The following SLC12A2 variants were observed in gnomAD, a reference collection of about 807,000 sequenced individuals.
SLC12A2 encodes solute carrier family 12 member 2.
SLC12A2 carries 67 observed loss-of-function variants against 136.3 expected under a neutral mutation model. The ratio of observed to expected loss-of-function variants is 0.49; its 90% CI spans 0.40 to 0.60. SLC12A2 has a LOEUF of 0.60. Ranked by LOEUF, SLC12A2 falls within the 20% of genes least tolerant of loss-of-function variation. The probability of loss-of-function intolerance (pLI) is 0.00; values close to 1 mark genes in which losing one functional copy is unlikely to be tolerated. For missense variants in SLC12A2, 1,322 were observed against 1,534.7 expected, an observed-to-expected ratio of 0.86 and a Z score of 2.32; for synonymous variants, 619 against 562.9, an observed-to-expected ratio of 1.10 and a Z score of -1.41.
chr5:128,101,012 GT>G (rs2126652526), intron 1 of SLC12A2, among the ~76,000 whole-genome samples: 1 of 152,176 alleles, frequency 6.6e-6, no homozygotes, highest in African/African-American at 2.4e-5. Context: ...AAGTCACATG[GT>G]CACACCATCC....
At chr5:128,150,309 G>T (rs1762660492) in intron 13 of SLC12A2, among the ~76,000 whole-genome samples, 1 of 151,498 alleles carries the variant, frequency 6.6e-6, no homozygotes, top group African/African-American at 2.4e-5. Flanking sequence ...CATTTGATAG[G>T]ATTAATCTCT....
At chr5:128,186,434 T>C in intron 26 of SLC12A2, 62 bp from the exon 27 acceptor site, 2 of 1,513,840 alleles carry the variant, frequency 1.3e-6, no homozygotes, top group Non-Finnish European at 8.9e-7. Context: ...TTTTGCTACA[T>C]TTTATTCTGT....
chr5:128,164,283 G>C (rs920795039), intron 17 of SLC12A2, among the ~76,000 whole-genome samples: 59 of 152,164 alleles, frequency 3.9e-4, no homozygotes, highest in African/African-American at 1.2e-3. Flanking sequence ...AGTCTCTGTG[G>C]TGTAAATGAT....
intron 1 of SLC12A2, among the ~76,000 whole-genome samples, chr5:128,099,435 A>T (rs936735717): frequency 6.6e-6 from 1 of 152,208 alleles, no homozygotes; most frequent in Non-Finnish European, 1.5e-5. Flanking sequence ...GGCCTAACAC[A>T]TTACTGTACA....
intron 5 of SLC12A2, among the ~76,000 whole-genome samples, chr5:128,132,575 T>A (rs1476121711): frequency 2.0e-5 from 3 of 152,138 alleles, no homozygotes; most frequent in Admixed American, 1.3e-4. Context: ...AAGAGTGCAA[T>A]AGGATTCCTC....
intron 15 of SLC12A2, among the ~76,000 whole-genome samples, chr5:128,157,115 A>C (rs1204485603): frequency 6.6e-6 from 1 of 152,160 alleles, no homozygotes; most frequent in East Asian, 1.9e-4. Flanking sequence ...TTTCATCCTC[A>C]TTTTAAGGAC....
intron 22 of SLC12A2, among the ~76,000 whole-genome samples, chr5:128,179,620 G>A (rs995798558): frequency 6.6e-6 from 1 of 152,128 alleles, no homozygotes; most frequent in Non-Finnish European, 1.5e-5. Context: ...CACATCACAT[G>A]ATGAAAGCAA....
intron 13 of SLC12A2, among the ~76,000 whole-genome samples, chr5:128,150,968 T>C (rs1054978858): frequency 6.8e-6 from 1 of 146,232 alleles, no homozygotes; most frequent in Non-Finnish European, 1.5e-5. Context: ...GGTAGGTTGA[T>C]TTTTTTTTTA....
intron 17 of SLC12A2, among the ~76,000 whole-genome samples, chr5:128,165,918 T>TTCCC (rs1561698417): frequency 4.8e-5 from 4 of 83,818 alleles, no homozygotes; most frequent in Admixed American, 1.3e-4. Flanking sequence ...TTCTTTTACC[T>TTCCC]CCCCCCCCCC....
At chr5:128,173,164 C>T (rs1397021986) in intron 19 of SLC12A2, among the ~76,000 whole-genome samples, 1 of 152,166 alleles carries the variant, frequency 6.6e-6, no homozygotes, top group Non-Finnish European at 1.5e-5. Context: ...CTGTTTTAAT[C>T]TTCCCTCTCT....
chr5:128,139,816 T>C (rs541513500), intron 9 of SLC12A2, among the ~76,000 whole-genome samples: 4 of 152,304 alleles, frequency 2.6e-5, no homozygotes, highest in African/African-American at 9.6e-5. Context: ...GAGGTTTCTA[T>C]TGGATTTGGT....
At chr5:128,158,993 A>C (rs1320721549) in intron 16 of SLC12A2, among the ~76,000 whole-genome samples, 1 of 151,516 alleles carries the variant, frequency 6.6e-6, no homozygotes, top group Non-Finnish European at 1.5e-5. Context: ...AAATAATTTG[A>C]CAAGCCAACT....
At chr5:128,160,008 A>C (rs934587570) in intron 16 of SLC12A2, among the ~76,000 whole-genome samples, 1 of 152,222 alleles carries the variant, frequency 6.6e-6, no homozygotes, top group African/African-American at 2.4e-5. Flanking sequence ...TCAATGATAG[A>C]CTGGATAAGG....
chr5:128,113,975 CATTTATTTTCATACACACTTTT>C (rs1489865745), intron 2 of SLC12A2, among the ~76,000 whole-genome samples: 1 of 152,074 alleles, frequency 6.6e-6, no homozygotes, highest in East Asian at 1.9e-4. Context: ...GTGATGAGTG[CATTTATTTTCATACACACTTTT>C]ATATGTTACA....
At chr5:128,166,036 A>G (rs1763193147) in intron 17 of SLC12A2, among the ~76,000 whole-genome samples, 1 of 150,800 alleles carries the variant, frequency 6.6e-6, no homozygotes, top group African/African-American at 2.4e-5. Context: ...GAATGGGGGG[A>G]AAATTTACTT....
chr5:128,176,749 A>C (rs893489033), intron 20 of SLC12A2, among the ~76,000 whole-genome samples: 1 of 152,046 alleles, frequency 6.6e-6, no homozygotes, highest in Non-Finnish European at 1.5e-5. Flanking sequence ...ATTATCTGCA[A>C]TATCAATGTT....
intron 20 of SLC12A2, among the ~76,000 whole-genome samples, chr5:128,175,803 C>G (rs1763523060): frequency 6.6e-6 from 1 of 151,750 alleles, no homozygotes; most frequent in South Asian, 2.1e-4. Context: ...TCAAGATTTC[C>G]TTGACATTTC....
At chr5:128,110,547 T>C in intron 1 of SLC12A2, 2 of 1,340,850 alleles carry the variant, frequency 1.5e-6, no homozygotes, top group Non-Finnish European at 2.1e-6. Context: ...TGAAACACAT[T>C]TCATTTTTTG....
intron 15 of SLC12A2, among the ~76,000 whole-genome samples, chr5:128,157,650 A>G (rs1202066412): frequency 4.6e-5 from 7 of 152,334 alleles, no homozygotes; most frequent in South Asian, 2.1e-4. Context: ...TAGAAAATGA[A>G]AAATTGTTAC....
Sources: gnomAD v4.1 joint callset for allele counts (sites outside exome capture counted in the v4.1 genomes callset) on GRCh38, gnomAD v4.1.1 for gene constraint, MANE v1.5 for transcripts, NCBI Gene and HGNC (gene_info 2026-07-23, HGNC 2026-07-21) for gene names.